The following PLEKHO2 variants were observed in gnomAD, a reference collection of about 807,000 sequenced individuals.
PLEKHO2 encodes the protein pleckstrin homology domain-containing family O member 2.
Under a neutral mutation model 32.7 loss-of-function variants are expected in PLEKHO2, and 20 were observed. The ratio of observed to expected loss-of-function variants is 0.61; its 90% CI spans 0.43 to 0.89. PLEKHO2 has a LOEUF of 0.89. PLEKHO2 is among the 40% of genes least tolerant of loss of function. The pLI is 0.00. For synonymous variants in PLEKHO2, 247 were observed against 246.3 expected, an observed-to-expected ratio of 1.00 and a Z score of -0.03; for missense variants, 568 against 621.2, an observed-to-expected ratio of 0.91 and a Z score of 0.91.
chr15:64,852,999 C>T (rs954285464), intron 2 of PLEKHO2, among the ~76,000 whole-genome samples: 6 of 150,418 alleles, frequency 4.0e-5, no homozygotes, highest in African/African-American at 9.7e-5. Context: ...ATTAGCCGGG[C>T]GTGGTGGTAG....
chr15:64,863,262 G>C (rs2084655503), intron 5 of PLEKHO2, among the ~76,000 whole-genome samples: 1 of 152,212 alleles, frequency 6.6e-6, no homozygotes, highest in African/African-American at 2.4e-5. Context: ...AAAAGGAGTC[G>C]ATTTAGGGCT....
At chr15:64,851,336 C>T (rs1371050990) in intron 2 of PLEKHO2, among the ~76,000 whole-genome samples, 1 of 152,236 alleles carries the variant, frequency 6.6e-6, no homozygotes, top group East Asian at 1.9e-4. Flanking sequence ...AGCTGTCAGC[C>T]TGTCAGGTAC....
intron 1 of PLEKHO2, among the ~76,000 whole-genome samples, chr15:64,847,615 A>T (rs1294143176): frequency 1.3e-5 from 2 of 152,180 alleles, no homozygotes; most frequent in East Asian, 1.9e-4. Flanking sequence ...GTAGGCATGT[A>T]TCTGGCACCC....
chr15:64,842,380 CTCTCTCTCTCTGTG>C (rs1309930370), intron 1 of PLEKHO2, among the ~76,000 whole-genome samples: 8 of 33,010 alleles, frequency 2.4e-4, no homozygotes, highest in Admixed American at 4.9e-4. Context: ...TCCTGACTCT[CTCTCTCTCTCTGTG>C]TGTGTGTGTG....
intron 1 of PLEKHO2, among the ~76,000 whole-genome samples, chr15:64,842,794 T>TTGCCCC (rs1234272064): frequency 1.2e-4 from 18 of 152,180 alleles, no homozygotes; most frequent in Non-Finnish European, 1.0e-4. Context: ...GGATTGGGTC[T>TTGCCCC]TGCCCCTGCC....
At chr15:64,851,719 C>T (rs1193829568) in intron 2 of PLEKHO2, among the ~76,000 whole-genome samples, 1 of 152,062 alleles carries the variant, frequency 6.6e-6, no homozygotes, top group South Asian at 2.1e-4. Context: ...GATGATTCAG[C>T]GTCTTGGGGT....
In PLEKHO2 at chr15:64,865,662, T is replaced by G. The variant is rs1481061995; in HGVS notation, c.1247T>G (p.Val416Gly). 1 of 1,614,018 alleles carries G rather than the reference T, an allele frequency of 6.2e-7. No individual in the cohort carries two copies. Among genetic ancestry groups the G allele is most frequent in the Admixed American group, 1.7e-5 (1 of 60,006 alleles). The change falls in exon 6 of 6, where the codon GTG becomes GGG. Residue 416 changes from valine to glycine, a missense_variant. Transcript: ENST00000323544. Reference protein sequence around the residue: ...RERLYRAQLEVKVASEQTEKL... With the variant: ...RERLYRAQLEGKVASEQTEKL... ...CGGCTATATCGGGCCCAGCTGGAGG[T>G]GAAGGTGGCCTCGGAACAGACGGAG...
In PLEKHO2 at chr15:64,845,018, GCACAGGA is replaced by G. The variant is rs1488649669; in HGVS notation, c.12+2992_12+2998del. Among the ~76,000 whole-genome samples, 4 of 152,170 alleles carry G rather than the reference GCACAGGA, an allele frequency of 2.6e-5. No homozygotes were observed. The East Asian group carries it at 5.8e-4, about 22-fold the overall frequency. ...GTGCTTCCTCTCTCTCAATGCCCCGGCACAGGACTCTGACACGGTGGATTCTTAGTAG... is the reference window on the plus strand; with the variant it reads ...GTGCTTCCTCTCTCTCAATGCCCCGGCTCTGACACGGTGGATTCTTAGTAG... On this transcript the variant is annotated intron_variant, in intron 1 of 5. Coordinates refer to ENST00000323544, the MANE Select transcript of PLEKHO2 (RefSeq NM_025201.5).
chr15:64,846,531 C>A (rs937388924), intron 1 of PLEKHO2, among the ~76,000 whole-genome samples: 1 of 152,196 alleles, frequency 6.6e-6, no homozygotes, highest in African/African-American at 2.4e-5. Flanking sequence ...CCAGGCCGAT[C>A]TCAAACTCCT....
intron 4 of PLEKHO2, among the ~76,000 whole-genome samples, chr15:64,861,161 A>G (rs1417834205): frequency 6.6e-6 from 1 of 151,958 alleles, no homozygotes; most frequent in Non-Finnish European, 1.5e-5. Flanking sequence ...GCTGCTTTCA[A>G]CCTTCTCTCC....
chr15:64,857,945 T>C (rs1377807116), intron 3 of PLEKHO2, among the ~76,000 whole-genome samples: 1 of 152,226 alleles, frequency 6.6e-6, no homozygotes, highest in East Asian at 1.9e-4. Context: ...CTGTACACTT[T>C]TCAAGCTCCC....
Position 64,865,522 on chromosome 15 carries a change from A to G in PLEKHO2, c.1107A>G (p.Ala369=). Residue 369 remains alanine (A), a synonymous_variant, in exon 6 of 6, where the codon GCA becomes GCG. Transcript: ENST00000323544. ...EGTPGTPPKD[A]TTSTALPPWD... is the part of the protein sequence containing the mutation. Reference sequence around the variant, plus strand: ...CCCCAGGAACTCCTCCAAAGGATGCAACAACATCCACAGCACTGCCCCCCT... The same window carrying G: ...CCCCAGGAACTCCTCCAAAGGATGCGACAACATCCACAGCACTGCCCCCCT... 1 of 1,614,098 alleles carries G rather than the reference A, an allele frequency of 6.2e-7. No homozygotes were observed. The highest frequency in any genetic ancestry group is 8.5e-7 in the Non-Finnish European group (1 of 1,180,022).
chr15:64,848,502 C>T, intron 1 of PLEKHO2, 91 bp from the exon 2 acceptor site: 1 of 1,476,730 alleles, frequency 6.8e-7, no homozygotes, highest in African/African-American at 1.4e-5. Flanking sequence ...GGTACTTAGC[C>T]TAGGGACACA....
intron 1 of PLEKHO2, among the ~76,000 whole-genome samples, chr15:64,842,687 C>G (rs2084494384): frequency 6.6e-6 from 1 of 152,134 alleles, no homozygotes; most frequent in African/African-American, 2.4e-5. Flanking sequence ...TCCGGCCCAC[C>G]TAGGGTCTGA....
intron 3 of PLEKHO2, among the ~76,000 whole-genome samples, chr15:64,857,958 G>A (rs2140343324): frequency 1.3e-5 from 2 of 152,262 alleles, no homozygotes; most frequent in South Asian, 4.1e-4. Flanking sequence ...AAGCTCCCTG[G>A]ATGCTAAATC....
intron 5 of PLEKHO2, among the ~76,000 whole-genome samples, chr15:64,863,032 G>A (rs775393663): frequency 1.3e-5 from 2 of 149,754 alleles, no homozygotes; most frequent in Admixed American, 6.7e-5. Flanking sequence ...TCCGCCTTCC[G>A]GGTTCAAGAA....
rs138955783 is a variant in PLEKHO2 at position 64,865,291 on chromosome 15, G to A, written c.876G>A (p.Gln292=). ...APAAESAEPS[Q]APCSETSEAA... ...CTGCAGAGAGTGCAGAACCGTCCCA[G>A]GCACCCTGTTCTGAGACTTCTGAGG... The change falls in exon 6 of 6, where the codon CAG becomes CAA. Residue 292 remains glutamine (Q), a synonymous_variant. Transcript: ENST00000323544. 5 of 1,613,712 alleles carry A rather than the reference G, an allele frequency of 3.1e-6. No homozygotes were observed. In the African/African-American group the frequency reaches 4.0e-5, roughly 13 times the overall value.
At chr15:64,860,150 C>T in intron 4 of PLEKHO2, 152 bp downstream of exon 4, 1 of 651,068 alleles carries the variant, frequency 1.5e-6, no homozygotes, top group South Asian at 1.9e-5. Context: ...GTCCTCACTA[C>T]AGCCCCTCAT....
At chr15:64,843,370 G>A (rs1035037555) in intron 1 of PLEKHO2, among the ~76,000 whole-genome samples, 1 of 152,198 alleles carries the variant, frequency 6.6e-6, no homozygotes, top group African/African-American at 2.4e-5. Context: ...CTGTTAGGTG[G>A]GGCTGCCATC....
Sources: gnomAD v4.1 joint callset for allele counts (sites outside exome capture counted in the v4.1 genomes callset) on GRCh38, gnomAD v4.1.1 for gene constraint, MANE v1.5 for transcripts, NCBI Gene and HGNC (gene_info 2026-07-23, HGNC 2026-07-21) for gene names.